Variants in NXPE2 observed in about 807,000 individuals in gnomAD.
The protein encoded by NXPE2 is neurexophilin and PC-esterase domain family member 2.
In NXPE2, 34 loss-of-function variants were observed where a neutral mutation model predicts 34.4. The ratio of observed to expected loss-of-function variants is 0.99; its 90% CI spans 0.75 to 1.31. NXPE2 has a LOEUF of 1.31. Among genes scored for constraint, NXPE2 ranks in the 40% most tolerant of loss-of-function variants. NXPE2 has a pLI of 0.00. For synonymous variants in NXPE2, 235 were observed against 231.3 expected (o/e 1.02, Z -0.15); for missense variants, 649 against 672.5 (o/e 0.97, Z 0.39).
chr11:114,750,601 T>C, the NXPE2 span, among the ~76,000 whole-genome samples: 150 of 152,334 alleles, frequency 9.8e-4, no homozygotes, highest in Admixed American at 8.2e-3. Context: ...TTATTTCTTA[T>C]AGTATCTAGC....
chr11:114,631,633 C>T, the NXPE2 span, among the ~76,000 whole-genome samples: 3 of 151,908 alleles, frequency 2.0e-5, no homozygotes, highest in African/African-American at 7.3e-5. Flanking sequence ...TGTAACTAAA[C>T]TGCACATTGT....
the NXPE2 span, among the ~76,000 whole-genome samples, chr11:114,785,004 G>C: frequency 6.6e-6 from 1 of 152,012 alleles, no homozygotes; most frequent in South Asian, 2.1e-4. Context: ...AAACTGACCA[G>C]TCTTATTTAG....
At chr11:114,631,828 C>A in the NXPE2 span, among the ~76,000 whole-genome samples, 4 of 150,976 alleles carry the variant, frequency 2.6e-5, no homozygotes, top group South Asian at 8.3e-4. Context: ...TCATGGGTAA[C>A]CGATGTTACC....
At chr11:114,615,223 G>A in the NXPE2 span, among the ~76,000 whole-genome samples, 32 of 152,072 alleles carry the variant, frequency 2.1e-4, no homozygotes, top group East Asian at 1.2e-3. Flanking sequence ...ACTAAGTATC[G>A]CCTCTTGGGT....
At chr11:114,809,302 C>A in the NXPE2 span, among the ~76,000 whole-genome samples, 1 of 151,974 alleles carries the variant, frequency 6.6e-6, no homozygotes, top group Non-Finnish European at 1.5e-5. Context: ...GATGCCCTCT[C>A]TCACCACTCC....
downstream of NXPE2, among the ~76,000 whole-genome samples, chr11:114,710,118 A>G (rs971368381): frequency 2.6e-5 from 4 of 152,296 alleles, no homozygotes; most frequent in Middle Eastern, 3.4e-3. Context: ...AGGGAAGTTC[A>G]TAGCAATAAA....
At chr11:114,636,038 C>T in the NXPE2 span, among the ~76,000 whole-genome samples, 54 of 151,896 alleles carry the variant, frequency 3.6e-4, no homozygotes, top group East Asian at 1.7e-3. Flanking sequence ...TCAGAAGGAA[C>T]GGTACCAGTT....
the NXPE2 span, among the ~76,000 whole-genome samples, chr11:114,641,297 G>A: frequency 2.0e-5 from 3 of 152,074 alleles, no homozygotes. Context: ...CAGAAAGGTA[G>A]TGTAAAAAAT....
At chr11:114,725,976 A>AATATATAT in the NXPE2 span, among the ~76,000 whole-genome samples, 5,531 of 101,744 alleles carry the variant, frequency 0.054, 421 homozygotes, top group Admixed American at 0.11. Flanking sequence ...ATAAAAAAAA[A>AATATATAT]ATATATATAT....
chr11:114,534,464 G>C, the NXPE2 span, among the ~76,000 whole-genome samples: 2 of 152,168 alleles, frequency 1.3e-5, no homozygotes, highest in Non-Finnish European at 2.9e-5. Flanking sequence ...AGAGAGGAAG[G>C]CTTCAGAAGA....
chr11:114,516,568 G>A, the NXPE2 span, among the ~76,000 whole-genome samples: 1 of 152,036 alleles, frequency 6.6e-6, no homozygotes, highest in African/African-American at 2.4e-5. Flanking sequence ...GAGAAAGCAA[G>A]CCTTATTATT....
the NXPE2 span, among the ~76,000 whole-genome samples, chr11:114,612,652 G>A: frequency 2.7e-5 from 4 of 146,130 alleles, no homozygotes; most frequent in South Asian, 2.2e-4. Context: ...GGGTAACCAC[G>A]GTTACCCAGT....
At chr11:114,800,542 A>G in the NXPE2 span, among the ~76,000 whole-genome samples, 2 of 152,218 alleles carry the variant, frequency 1.3e-5, no homozygotes, top group African/African-American at 4.8e-5. Flanking sequence ...TCTATCTAGC[A>G]AGATATCTGC....
At chr11:114,500,807 G>A in the NXPE2 span, among the ~76,000 whole-genome samples, 1 of 152,036 alleles carries the variant, frequency 6.6e-6, no homozygotes, top group Non-Finnish European at 1.5e-5. Flanking sequence ...ATGAAGGAGA[G>A]GTCAGGGTTC....
At chr11:114,605,485 C>G in the NXPE2 span, among the ~76,000 whole-genome samples, 1 of 151,776 alleles carries the variant, frequency 6.6e-6, no homozygotes, top group African/African-American at 2.4e-5. Context: ...CACAGTTACC[C>G]GGTGGATAAT....
At chr11:114,798,475 T>C in the NXPE2 span, among the ~76,000 whole-genome samples, 1,582 of 152,198 alleles carry the variant, frequency 0.01, 22 homozygotes, top group African/African-American at 0.035. Context: ...TCTCTGCCTC[T>C]AGGGTTCAAG....
the NXPE2 span, chr11:114,582,305 T>C: frequency 6.3e-7 from 1 of 1,579,292 alleles, no homozygotes; most frequent in South Asian, 1.2e-5. Context: ...AGAGGCTCTT[T>C]TCTTGTTTGC....
chr11:114,782,060 T>C, the NXPE2 span, among the ~76,000 whole-genome samples: 1 of 152,218 alleles, frequency 6.6e-6, no homozygotes, highest in East Asian at 1.9e-4. Flanking sequence ...TTGTACACTT[T>C]AAATCATCTC....
At chr11:114,639,810 T>TAATATAAAATATATATTATATTA in the NXPE2 span, among the ~76,000 whole-genome samples, 1 of 77,950 alleles carries the variant, frequency 1.3e-5, no homozygotes, top group African/African-American at 4.7e-5. Context: ...AAATATAAAA[T>TAATATAAAATATATATTATATTA]AATATAAAAT....
Sources: gnomAD v4.1 joint callset for allele counts (sites outside exome capture counted in the v4.1 genomes callset) on GRCh38, gnomAD v4.1.1 for gene constraint, MANE v1.5 for transcripts, NCBI Gene and HGNC (gene_info 2026-07-23, HGNC 2026-07-21) for gene names.